The following CCDC7 variants were observed in gnomAD, a reference collection of about 807,000 sequenced individuals.
CCDC7 encodes the protein coiled-coil domain containing 7.
CCDC7 carries 183 observed loss-of-function variants against 196.9 expected under a neutral mutation model. The ratio of observed to expected loss-of-function variants is 0.93; its 90% CI spans 0.82 to 1.05. The LOEUF is 1.05. CCDC7 is among the 50% of genes least tolerant of loss of function. The probability of loss-of-function intolerance (pLI) is 0.00; values close to 1 mark genes in which losing one functional copy is unlikely to be tolerated. For missense variants in CCDC7, 1,540 were observed against 1,482.2 expected, an observed-to-expected ratio of 1.04 and a Z score of -0.64; for synonymous variants, 525 against 484.6, an observed-to-expected ratio of 1.08 and a Z score of -1.10.
At chr10:32,685,945 G>GA (rs200654896) in intron 21 of CCDC7, 25 bp from the exon 23 acceptor site, 4 of 1,075,306 alleles carry the variant, frequency 3.7e-6, no homozygotes, top group East Asian at 4.4e-5. Flanking sequence ...CTATTTAGTG[G>GA]AATAAATGTA....
At chr10:32,585,282 A>C (rs910137715) in intron 18 of CCDC7, among the ~76,000 whole-genome samples, 24 of 152,040 alleles carry the variant, frequency 1.6e-4, no homozygotes, top group Non-Finnish European at 3.2e-4. Context: ...ACCGTGTTAG[A>C]CAGGATGGTC....
intron 24 of CCDC7, among the ~76,000 whole-genome samples, chr10:32,700,846 G>A (rs1037344043): frequency 5.9e-5 from 9 of 152,040 alleles, no homozygotes; most frequent in Non-Finnish European, 1.2e-4. Flanking sequence ...TCACGATTTG[G>A]CTCTCTGTTT....
intron 30 of CCDC7, among the ~76,000 whole-genome samples, chr10:32,812,495 C>A (rs2087381345): frequency 6.6e-6 from 1 of 152,014 alleles, no homozygotes; most frequent in South Asian, 2.1e-4. Flanking sequence ...AGTTACTTTT[C>A]TATATTTCAC....
chr10:32,586,620 A>G (rs944191362), intron 18 of CCDC7, among the ~76,000 whole-genome samples: 2 of 152,154 alleles, frequency 1.3e-5, no homozygotes, highest in African/African-American at 2.4e-5. Flanking sequence ...AACACCATTT[A>G]TTAAATAGGG....
chr10:32,826,818 A>G (rs553835853), intron 32 of CCDC7, among the ~76,000 whole-genome samples: 11 of 152,220 alleles, frequency 7.2e-5, no homozygotes, highest in Non-Finnish European at 1.5e-4. Flanking sequence ...TTCTCAGTGG[A>G]CAGAACTTCG....
chr10:32,515,753 G>T (rs1048362605), intron 9 of CCDC7, among the ~76,000 whole-genome samples: 3 of 151,884 alleles, frequency 2.0e-5, no homozygotes, highest in African/African-American at 7.3e-5. Flanking sequence ...TGTTAGCCAG[G>T]ATGGTCTGGA....
intron 16 of CCDC7, among the ~76,000 whole-genome samples, chr10:32,582,106 CTATATATATATA>C (rs6143863): frequency 0.13 from 13,359 of 103,720 alleles, 1,392 homozygotes; most frequent in South Asian, 0.3. Flanking sequence ...ACTGTCAGCA[CTATATATATATA>C]TATATATATA....
chr10:32,847,130 C>G (rs1348271897), intron 37 of CCDC7, among the ~76,000 whole-genome samples: 1 of 152,128 alleles, frequency 6.6e-6, no homozygotes, highest in East Asian at 1.9e-4. Flanking sequence ...CAAGGCTCTG[C>G]CCCTTGGAGA....
At chr10:32,723,860 C>T (rs560931360) in intron 25 of CCDC7, among the ~76,000 whole-genome samples, 2 of 152,160 alleles carry the variant, frequency 1.3e-5, no homozygotes, top group South Asian at 2.1e-4. Context: ...TTTGCTGCAT[C>T]GCAGGCTATC....
In CCDC7 at chr10:32,664,055, T is replaced by G. The variant is rs1486866970; in HGVS notation, c.2016T>G (p.Ser672=). ...CACTAAATTTATTAATTTGTGTAGC[T>G]CATAATGATGTACCAGAAGAAAATC... The change falls in exon 21 of 42, where the codon TCT becomes TCG. Residue 672 remains serine, a splice_region_variant and synonymous_variant. Transcript: ENST00000639629. 8.3e-5 allele frequency: 33 copies of G among 396,392 alleles called. No individual in the cohort carries two copies. In the East Asian group the frequency reaches 1.2e-3, roughly 14 times the overall value. The allele number at this position is 396,392 out of a possible 1,614,324, so 24.6% of individuals were successfully genotyped here.
intron 9 of CCDC7, among the ~76,000 whole-genome samples, chr10:32,500,803 G>A (rs1255871162): frequency 1.3e-5 from 2 of 152,326 alleles, no homozygotes; most frequent in East Asian, 3.9e-4. Flanking sequence ...CTGGCACCTC[G>A]GGAGGCCGAG....
chr10:32,727,464 GACTGC>G (rs1331940791), intron 26 of CCDC7, among the ~76,000 whole-genome samples: 2 of 152,074 alleles, frequency 1.3e-5, no homozygotes, highest in Non-Finnish European at 1.5e-5. Flanking sequence ...AAAGATAGGC[GACTGC>G]ACATCATCTC....
chr10:32,633,752 G>GTA (rs386371139), intron 18 of CCDC7, among the ~76,000 whole-genome samples: 30 of 149,198 alleles, frequency 2.0e-4, no homozygotes, highest in Middle Eastern at 3.4e-3. Flanking sequence ...GTGTGTGTGT[G>GTA]TATATATATA....
At chr10:32,846,823 AAG>A (rs1565694070) in intron 37 of CCDC7, among the ~76,000 whole-genome samples, 1 of 152,220 alleles carries the variant, frequency 6.6e-6, no homozygotes, top group Non-Finnish European at 1.5e-5. Flanking sequence ...CTGCGATGAC[AAG>A]AGGAGTATAA....
At chr10:32,823,502 T>C (rs886564300) in intron 31 of CCDC7, among the ~76,000 whole-genome samples, 2 of 152,116 alleles carry the variant, frequency 1.3e-5, no homozygotes, top group African/African-American at 4.8e-5. Flanking sequence ...ATTATATTGG[T>C]GGTATATTTG....
intron 18 of CCDC7, among the ~76,000 whole-genome samples, chr10:32,616,470 A>G (rs916734034): frequency 2.0e-5 from 3 of 151,358 alleles, no homozygotes; most frequent in African/African-American, 7.3e-5. Flanking sequence ...AGTCATTATC[A>G]GTGTGTAAAA....
intron 41 of CCDC7, among the ~76,000 whole-genome samples, chr10:32,860,001 CCATT>C (rs1490424069): frequency 6.6e-6 from 1 of 152,190 alleles, no homozygotes; most frequent in Non-Finnish European, 1.5e-5. Context: ...GGAGCTGGTA[CCATT>C]CCTTCTGAAA....
At position 32,672,555 on chromosome 10, in the gene CCDC7, T is replaced by C. The variant is rs1255374148; in HGVS notation, c.2122+8394T>C. 3.3e-5 allele frequency among the ~76,000 whole-genome samples: 5 copies of C among 152,274 alleles called. No individual in the cohort carries two copies. The East Asian group carries it at 7.7e-4, about 24-fold the overall frequency. Reference sequence around the variant, plus strand: ...GTGGCTTAACAGTGCTGATTCTTGTTTGGAGGAGGAGTGTACAGACACATC... The same window carrying C: ...GTGGCTTAACAGTGCTGATTCTTGTCTGGAGGAGGAGTGTACAGACACATC... On this transcript the variant is annotated intron_variant, in intron 21 of 41. Transcript: ENST00000639629.
At chr10:32,861,548 C>T (rs2093984456) in intron 41 of CCDC7, among the ~76,000 whole-genome samples, 1 of 152,092 alleles carries the variant, frequency 6.6e-6, no homozygotes, top group African/African-American at 2.4e-5. Flanking sequence ...AAAGCAATTG[C>T]AATAAAAGCC....
Sources: gnomAD v4.1 joint callset for allele counts (sites outside exome capture counted in the v4.1 genomes callset) on GRCh38, gnomAD v4.1.1 for gene constraint, MANE v1.5 for transcripts, NCBI Gene and HGNC (gene_info 2026-07-23, HGNC 2026-07-21) for gene names.